Variants in UBR2 observed in about 807,000 individuals in gnomAD.
UBR2 encodes the protein ubiquitin protein ligase E3 component n-recognin 2.
A neutral mutation model predicts 247.9 loss-of-function variants in UBR2; 92 were observed. The observed-to-expected ratio is 0.37, with a 90% CI of 0.31 to 0.44. UBR2 has a LOEUF of 0.44. Ranked by LOEUF, UBR2 falls within the 20% of genes least tolerant of loss-of-function variation. UBR2 has a pLI of 1.00. For missense variants in UBR2, 1,613 were observed against 2,112.6 expected (o/e 0.76, Z 4.64); for synonymous variants, 672 against 693.5 (o/e 0.97, Z 0.49).
At chr6:42,655,020 A>G (rs763067327) in intron 25 of UBR2, among the ~76,000 whole-genome samples, 8 of 152,340 alleles carry the variant, frequency 5.3e-5, no homozygotes, top group East Asian at 1.9e-4. Flanking sequence ...GGTATAGAAT[A>G]AAACTTACAT....
chr6:42,569,593 C>T (rs1790988428), intron 1 of UBR2, among the ~76,000 whole-genome samples: 1 of 152,088 alleles, frequency 6.6e-6, no homozygotes, highest in South Asian at 2.1e-4. Flanking sequence ...CCCACTTAAA[C>T]ACTATTGTTT....
At chr6:42,611,455 A>T (rs565006766) in intron 7 of UBR2, among the ~76,000 whole-genome samples, 1 of 78,004 alleles carries the variant, frequency 1.3e-5, no homozygotes, top group African/African-American at 5.4e-5. Context: ...GCTAGACTCC[A>T]TCTCAAAAAA....
chr6:42,609,014 C>T (rs1793895052), intron 7 of UBR2, among the ~76,000 whole-genome samples: 1 of 151,858 alleles, frequency 6.6e-6, no homozygotes, highest in African/African-American at 2.4e-5. Context: ...AGGGAACAAA[C>T]AATAAAATAG....
chr6:42,592,672 T>G (rs1766418825), intron 3 of UBR2, among the ~76,000 whole-genome samples: 1 of 152,214 alleles, frequency 6.6e-6, no homozygotes, highest in Non-Finnish European at 1.5e-5. Context: ...TTCCAAATCC[T>G]GTCCTGGTTC....
intron 26 of UBR2, among the ~76,000 whole-genome samples, chr6:42,656,525 G>A (rs1797449786): frequency 6.6e-6 from 1 of 152,192 alleles, no homozygotes; most frequent in East Asian, 1.9e-4. Flanking sequence ...CCCTGCCACA[G>A]ACCTGTAGTC....
At chr6:42,645,685 A>C in intron 21 of UBR2, 95 bp downstream of exon 21, 1 of 1,315,288 alleles carries the variant, frequency 7.6e-7, no homozygotes, top group Admixed American at 2.2e-5. Flanking sequence ...CCTTTCTCAC[A>C]ATTGTAAAAT....
intron 11 of UBR2, among the ~76,000 whole-genome samples, chr6:42,622,742 C>T (rs1582566120): frequency 2.0e-5 from 3 of 152,094 alleles, no homozygotes; most frequent in Admixed American, 2.0e-4. Context: ...TTTTTTTTAA[C>T]TTTACTTTGT....
At chr6:42,618,858 G>A (rs571885984) in intron 11 of UBR2, among the ~76,000 whole-genome samples, 3 of 152,330 alleles carry the variant, frequency 2.0e-5, no homozygotes, top group African/African-American at 7.2e-5. Context: ...ACTTGCTGAC[G>A]AACTGGATGT....
chr6:42,581,911 A>G (rs1791925885), intron 2 of UBR2, among the ~76,000 whole-genome samples: 1 of 152,198 alleles, frequency 6.6e-6, no homozygotes, highest in Non-Finnish European at 1.5e-5. Context: ...TTGTTATTCT[A>G]TACTTAACCA....
intron 10 of UBR2, 117 bp from the exon 11 acceptor site, chr6:42,617,292 T>A: frequency 6.2e-7 from 1 of 1,614,172 alleles, no homozygotes; most frequent in Non-Finnish European, 8.5e-7. Context: ...GAGCGAGCAG[T>A]GTCGGTGACT....
intron 4 of UBR2, among the ~76,000 whole-genome samples, chr6:42,598,692 C>T (rs1478937588): frequency 6.6e-6 from 1 of 152,100 alleles, no homozygotes; most frequent in Non-Finnish European, 1.5e-5. Flanking sequence ...TCTTAGGTCT[C>T]TATATTAAGA....
In UBR2 at chr6:42,689,432, C is replaced by T. The variant is rs1799626357; in HGVS notation, c.5025-137C>T. On this transcript the variant is annotated intron_variant, in intron 45 of 46. Coordinates refer to ENST00000372901, the MANE Select transcript of UBR2 (RefSeq NM_001363705.2). This position sits in a 1 kb window ranked among gnomAD's most constrained non-coding sequence, Gnocchi z 4.0. ...GATTCAACCTATTTCCTAGTTTGTG[C>T]ACAATTTTTTAATGGATAACTTCCT... 2 of 859,418 alleles carry T rather than the reference C, an allele frequency of 2.3e-6. No individual in the cohort carries two copies. Among genetic ancestry groups the T allele is most frequent in the East Asian group, 5.0e-5 (2 of 39,872 alleles). The allele number at this position is 859,418 out of a possible 1,614,324, so 53.2% of individuals were successfully genotyped here.
At chr6:42,586,271 G>A (rs980788404) in intron 2 of UBR2, among the ~76,000 whole-genome samples, 1 of 151,968 alleles carries the variant, frequency 6.6e-6, no homozygotes, top group East Asian at 1.9e-4. Flanking sequence ...TATGTGGGAG[G>A]TTGAGTTGAG....
At chr6:42,604,056 CATT>C (rs1793546299) in intron 5 of UBR2, among the ~76,000 whole-genome samples, 2 of 152,120 alleles carry the variant, frequency 1.3e-5, no homozygotes, top group African/African-American at 2.4e-5. Context: ...ATGTTAATAT[CATT>C]ATAGGAAATA....
chr6:42,633,483 A>G (rs1795888479), intron 13 of UBR2, among the ~76,000 whole-genome samples: 1 of 150,514 alleles, frequency 6.6e-6, no homozygotes, highest in Non-Finnish European at 1.5e-5. Flanking sequence ...CTCCACCTCC[A>G]GAGTTCAAGT....
intron 11 of UBR2, chr6:42,619,437 ATATATATATATATATATTT>A (rs1210391053): frequency 1.9e-4 from 4 of 21,220 alleles, no homozygotes; most frequent in Non-Finnish European, 2.8e-4. Flanking sequence ...ATATATATAT[ATATATATATATATATATTT>A]TTTTTTTTTA....
At chr6:42,602,187 CTT>C (rs796532726) in intron 4 of UBR2, among the ~76,000 whole-genome samples, 1 of 143,830 alleles carries the variant, frequency 7.0e-6, no homozygotes. Context: ...ATGCCTGGCC[CTT>C]TTTTTTTTTT....
intron 2 of UBR2, among the ~76,000 whole-genome samples, chr6:42,580,538 T>C (rs2151908407): frequency 6.9e-6 from 1 of 144,412 alleles, no homozygotes; most frequent in South Asian, 2.2e-4. Context: ...AGACAAATCT[T>C]AATTGTACAT....
At chr6:42,646,152 A>G (rs1467238141) in intron 21 of UBR2, among the ~76,000 whole-genome samples, 2 of 152,212 alleles carry the variant, frequency 1.3e-5, no homozygotes, top group African/African-American at 2.4e-5. Context: ...CCAGCAACCT[A>G]TATTTCAGCC....
Sources: allele counts gnomAD v4.1 joint callset (sites outside exome capture counted in the v4.1 genomes callset), GRCh38; gene constraint gnomAD v4.1.1; non-coding constraint Gnocchi (gnomAD v3.1); transcripts MANE v1.5; gene names NCBI Gene and HGNC (gene_info 2026-07-23, HGNC 2026-07-21).